The following PTPRN2 variants were observed in gnomAD, a reference collection of about 807,000 sequenced individuals.
PTPRN2 encodes the protein protein tyrosine phosphatase receptor type N2.
Under a neutral mutation model 118.8 loss-of-function variants are expected in PTPRN2, and 74 were observed. The ratio of observed to expected loss-of-function variants is 0.62; its 90% CI spans 0.52 to 0.76. The LOEUF is 0.76. PTPRN2 is among the 30% of genes least tolerant of loss of function. PTPRN2 has a pLI of 0.00. For synonymous variants in PTPRN2, 641 were observed against 608.0 expected, an observed-to-expected ratio of 1.05 and a Z score of -0.80; for missense variants, 1,481 against 1,394.4, an observed-to-expected ratio of 1.06 and a Z score of -0.99.
chr7:157,795,703 AG>A (rs1017378214), intron 12 of PTPRN2, among the ~76,000 whole-genome samples: 2 of 152,248 alleles, frequency 1.3e-5, no homozygotes, highest in Non-Finnish European at 2.9e-5. Context: ...CGTTTTCAAA[AG>A]AAAGTGCTTG....
Position 158,560,741 on chromosome 7 carries a change from T to C in PTPRN2, c.112+26817A>G, listed in dbSNP as rs139339177. On this transcript the variant is annotated intron_variant, in intron 1 of 22. Coordinates refer to ENST00000389418, the MANE Select transcript of PTPRN2 (RefSeq NM_002847.5). ...AGAACAGACATCAACCATGTGAATG[T>C]TACTCCTTAAGTTAGAGCCAAAGAT... Among the ~76,000 whole-genome samples the C allele has an allele frequency of 1.4e-3, 215 of 152,348 alleles. 2 individuals are homozygous for C. The highest frequency in any genetic ancestry group is 5.0e-3 in the African/African-American group (209 of 41,582).
intron 1 of PTPRN2, among the ~76,000 whole-genome samples, chr7:158,572,362 T>C (rs1043369768): frequency 6.6e-6 from 1 of 152,240 alleles, no homozygotes. Context: ...GCTCTAGTTA[T>C]GCTACCTCCT....
At chr7:158,445,408 G>A (rs1362934543) in intron 2 of PTPRN2, among the ~76,000 whole-genome samples, 1 of 152,180 alleles carries the variant, frequency 6.6e-6, no homozygotes, top group African/African-American at 2.4e-5. Flanking sequence ...ACTCTACACT[G>A]CACAGCAGCC....
chr7:158,110,308 C>A (rs930573546), intron 10 of PTPRN2, among the ~76,000 whole-genome samples: 1 of 152,244 alleles, frequency 6.6e-6, no homozygotes, highest in Admixed American at 6.5e-5. Context: ...CCTGTGTGTA[C>A]TCACCCACCA....
chr7:157,774,693 C>T (rs1803086878), intron 12 of PTPRN2, among the ~76,000 whole-genome samples: 1 of 152,100 alleles, frequency 6.6e-6, no homozygotes, highest in African/African-American at 2.4e-5. Context: ...GGATCCAGGA[C>T]CCCAGAGTGA....
At chr7:158,318,686 C>T (rs533561309) in intron 2 of PTPRN2, among the ~76,000 whole-genome samples, 1 of 152,360 alleles carries the variant, frequency 6.6e-6, no homozygotes, top group African/African-American at 2.4e-5. Flanking sequence ...CGGCCGGCCC[C>T]AGAGCAGTGA....
At chr7:158,191,351 A>G (rs1024107761) in intron 5 of PTPRN2, among the ~76,000 whole-genome samples, 2 of 152,140 alleles carry the variant, frequency 1.3e-5, no homozygotes, top group African/African-American at 4.8e-5. Context: ...CTTAGAAAGG[A>G]AAGTGTGTCA....
chr7:158,033,441 T>C (rs1807838902), intron 11 of PTPRN2, among the ~76,000 whole-genome samples: 1 of 152,206 alleles, frequency 6.6e-6, no homozygotes, highest in Non-Finnish European at 1.5e-5. Flanking sequence ...AGTGAGGTCA[T>C]TTGTGGTGGG....
At chr7:157,555,210 C>T (rs1798820722) in intron 21 of PTPRN2, among the ~76,000 whole-genome samples, 1 of 152,210 alleles carries the variant, frequency 6.6e-6, no homozygotes, top group East Asian at 1.9e-4. Flanking sequence ...TTCTAATTCA[C>T]TCAGGGCTCA....
intron 3 of PTPRN2, among the ~76,000 whole-genome samples, chr7:158,280,485 C>T (rs527566370): frequency 3.3e-5 from 5 of 152,322 alleles, no homozygotes; most frequent in Non-Finnish European, 4.4e-5. Flanking sequence ...CACAAACCAT[C>T]CTTCTGCGTT....
intron 17 of PTPRN2, 44 bp from the exon 18 acceptor site, chr7:157,578,184 C>T (rs1454920527): frequency 1.3e-6 from 2 of 1,564,340 alleles, no homozygotes; most frequent in Non-Finnish European, 1.7e-6. Context: ...ACTGTCTCAT[C>T]ACCGCGTGAC....
chr7:158,020,550 G>T (rs1454510784), intron 11 of PTPRN2, among the ~76,000 whole-genome samples: 2 of 152,154 alleles, frequency 1.3e-5, no homozygotes, highest in Admixed American at 1.3e-4. Flanking sequence ...GCGGAGAGGA[G>T]AGGCCGGCCC....
chr7:157,635,376 T>G (rs1031769891), intron 14 of PTPRN2, among the ~76,000 whole-genome samples: 1 of 152,248 alleles, frequency 6.6e-6, no homozygotes, highest in African/African-American at 2.4e-5. Context: ...GCCAGGCACA[T>G]GGGTTTCAGG....
intron 7 of PTPRN2, among the ~76,000 whole-genome samples, chr7:158,137,398 CAG>C (rs1181493441): frequency 6.6e-6 from 1 of 152,138 alleles, no homozygotes; most frequent in African/African-American, 2.4e-5. Flanking sequence ...GCCTGGGTGA[CAG>C]AGAGAGACTC....
chr7:158,390,363 A>G (rs1811831011), intron 2 of PTPRN2, among the ~76,000 whole-genome samples: 1 of 152,182 alleles, frequency 6.6e-6, no homozygotes, highest in Non-Finnish European at 1.5e-5. Context: ...AGCCGAACCA[A>G]TTTGCTTCAT....
intron 11 of PTPRN2, among the ~76,000 whole-genome samples, chr7:158,010,764 G>A (rs1346073128): frequency 2.0e-5 from 3 of 152,150 alleles, no homozygotes; most frequent in African/African-American, 4.8e-5. Context: ...TTATTTCTCT[G>A]CTGCCTTACA....
At chr7:157,888,041 G>A (rs1409931367) in intron 12 of PTPRN2, among the ~76,000 whole-genome samples, 3 of 123,908 alleles carry the variant, frequency 2.4e-5, no homozygotes. Context: ...CAGGCTCCCT[G>A]AAACGCACGC....
intron 1 of PTPRN2, among the ~76,000 whole-genome samples, chr7:158,571,216 G>A (rs1037945080): frequency 6.6e-6 from 1 of 152,006 alleles, no homozygotes; most frequent in Non-Finnish European, 1.5e-5. Context: ...CAGGCACAGT[G>A]GCTCACGCCT....
intron 3 of PTPRN2, among the ~76,000 whole-genome samples, chr7:158,316,336 C>T (rs1314663602): frequency 2.6e-5 from 4 of 152,126 alleles, no homozygotes; most frequent in Non-Finnish European, 2.9e-5. Flanking sequence ...AGCAGTGGGC[C>T]GGTGCTGTGG....
Sources: gnomAD v4.1 joint callset for allele counts (sites outside exome capture counted in the v4.1 genomes callset) on GRCh38, gnomAD v4.1.1 for gene constraint, MANE v1.5 for transcripts, NCBI Gene and HGNC (gene_info 2026-07-23, HGNC 2026-07-21) for gene names.